PTPRD: variants seen among roughly 807,000 people sequenced by gnomAD.
PTPRD encodes the protein receptor-type tyrosine-protein phosphatase delta.
PTPRD carries 34 observed loss-of-function variants against 214.5 expected under a neutral mutation model. The observed-to-expected ratio is 0.16, with a 90% CI of 0.12 to 0.21. PTPRD has a LOEUF of 0.21. PTPRD is among the 10% of genes least tolerant of loss of function. The pLI is 1.00. For synonymous variants in PTPRD, 1,128 were observed against 845.7 expected, an observed-to-expected ratio of 1.33 and a Z score of -5.79; for missense variants, 2,545 against 2,398.7, an observed-to-expected ratio of 1.06 and a Z score of -1.27.
chr9:9,825,405 A>G (rs1196976746), intron 5 of PTPRD, among the ~76,000 whole-genome samples: 3 of 104,346 alleles, frequency 2.9e-5, no homozygotes, highest in Non-Finnish European at 5.7e-5. Context: ...ACAGAGAGAG[A>G]AAGAGAGAGA....
intron 31 of PTPRD, among the ~76,000 whole-genome samples, chr9:8,468,133 T>C (rs1314486075): frequency 6.6e-6 from 1 of 152,060 alleles, no homozygotes; most frequent in Non-Finnish European, 1.5e-5. Flanking sequence ...ATAAAATATT[T>C]GAGCTTTTGG....
chr9:8,989,006 G>A (rs577985030), intron 11 of PTPRD, among the ~76,000 whole-genome samples: 31 of 151,902 alleles, frequency 2.0e-4, no homozygotes, highest in Admixed American at 5.9e-4. Context: ...ATAATATTCC[G>A]ATGAATTTCA....
intron 9 of PTPRD, among the ~76,000 whole-genome samples, chr9:9,193,135 T>C (rs1445775449): frequency 6.6e-6 from 1 of 152,114 alleles, no homozygotes; most frequent in Non-Finnish European, 1.5e-5. Flanking sequence ...TAAAAATGAG[T>C]GACCAGCTTG....
chr9:8,938,308 G>A (rs1305403174), intron 11 of PTPRD, among the ~76,000 whole-genome samples: 1 of 151,964 alleles, frequency 6.6e-6, no homozygotes, highest in Non-Finnish European at 1.5e-5. Flanking sequence ...AGGGAGAAGA[G>A]AGAAGAGGAG....
intron 10 of PTPRD, among the ~76,000 whole-genome samples, chr9:9,134,372 G>A (rs947818231): frequency 6.6e-6 from 1 of 151,978 alleles, no homozygotes; most frequent in Non-Finnish European, 1.5e-5. Flanking sequence ...CGCGCCCGTA[G>A]AATCATTCTT....
intron 4 of PTPRD, among the ~76,000 whole-genome samples, chr9:9,949,426 C>G (rs1442867764): frequency 6.6e-6 from 1 of 152,020 alleles, no homozygotes; most frequent in Admixed American, 6.6e-5. Context: ...TTGATTTTTA[C>G]CAATAAGCAA....
chr9:8,781,035 TTACAAG>T (rs895936354), intron 11 of PTPRD, among the ~76,000 whole-genome samples: 12 of 152,202 alleles, frequency 7.9e-5, no homozygotes, highest in Non-Finnish European at 1.5e-4. Flanking sequence ...TTAACTGTAC[TTACAAG>T]TACAATTCAA....
chr9:8,794,501 C>A (rs964984751), intron 11 of PTPRD, among the ~76,000 whole-genome samples: 5 of 145,966 alleles, frequency 3.4e-5, no homozygotes, highest in African/African-American at 1.2e-4. Flanking sequence ...TTTATATTCA[C>A]AGAAGCCATT....
At chr9:8,944,094 A>T (rs1426814766) in intron 11 of PTPRD, among the ~76,000 whole-genome samples, 5 of 152,074 alleles carry the variant, frequency 3.3e-5, no homozygotes, top group African/African-American at 1.2e-4. Flanking sequence ...TGGGCAAAAG[A>T]TCTGAATAGG....
At chr9:8,649,663 T>C (rs1313418897) in intron 12 of PTPRD, among the ~76,000 whole-genome samples, 1 of 152,212 alleles carries the variant, frequency 6.6e-6, no homozygotes, top group African/African-American at 2.4e-5. Context: ...TTTTGATACA[T>C]AACAAAAATG....
chr9:8,858,536 T>G (rs535502548), intron 11 of PTPRD, among the ~76,000 whole-genome samples: 3 of 152,096 alleles, frequency 2.0e-5, no homozygotes, highest in Non-Finnish European at 4.4e-5. Context: ...GAAAGGCTTC[T>G]CTCTTTGTTT....
At chr9:9,969,022 C>T (rs2094910857) in intron 4 of PTPRD, among the ~76,000 whole-genome samples, 1 of 152,052 alleles carries the variant, frequency 6.6e-6, no homozygotes, top group African/African-American at 2.4e-5. Context: ...AGGAGAGAGT[C>T]CATAGTCAAA....
At chr9:9,584,161 A>T (rs1467395511) in intron 7 of PTPRD, among the ~76,000 whole-genome samples, 1 of 151,950 alleles carries the variant, frequency 6.6e-6, no homozygotes, top group East Asian at 1.9e-4. Flanking sequence ...CTAGCAAGCT[A>T]TGTAAAGCTT....
intron 4 of PTPRD, among the ~76,000 whole-genome samples, chr9:9,985,823 G>T (rs2095691213): frequency 1.3e-5 from 2 of 151,696 alleles, no homozygotes; most frequent in Non-Finnish European, 2.9e-5. Context: ...TATCATATTT[G>T]AAAGAACACT....
rs559117554 is a variant in PTPRD, at chr9:9,528,624, C to T, written c.-237+46108G>A. On this transcript the variant is annotated intron_variant, in intron 8 of 45. Transcript: ENST00000381196. The stretch of plus-strand genomic sequence containing the variant: ...ACAGAACAAAGGATAAAAAGAACCA[C>T]GAGAAAATAAAAATAAAGAAATCAC... Among the ~76,000 whole-genome samples, 13 of 151,536 alleles carry T rather than the reference C, an allele frequency of 8.6e-5. No homozygotes were observed. The East Asian group carries it at 1.2e-3, about 14-fold the overall frequency.
intron 5 of PTPRD, among the ~76,000 whole-genome samples, chr9:9,919,582 C>T (rs1321213018): frequency 6.6e-6 from 1 of 152,118 alleles, no homozygotes; most frequent in African/African-American, 2.4e-5. Flanking sequence ...CCCCTATCAG[C>T]ACAAATGAGA....
chr9:10,534,383 T>C (rs1262596013), intron 2 of PTPRD, among the ~76,000 whole-genome samples: 1 of 152,072 alleles, frequency 6.6e-6, no homozygotes, highest in Non-Finnish European at 1.5e-5. Flanking sequence ...CATGATAAAA[T>C]ATTTTATTTA....
chr9:8,676,173 G>A, intron 12 of PTPRD, among the ~76,000 whole-genome samples: 1 of 152,124 alleles, frequency 6.6e-6, no homozygotes, highest in Non-Finnish European at 1.5e-5. Context: ...GCATTTGTTT[G>A]CCTAGCTCAC....
At chr9:8,938,672 A>G (rs7028406) in intron 11 of PTPRD, among the ~76,000 whole-genome samples, 143,072 of 151,868 alleles carry the variant, frequency 0.94, 67,867 homozygotes, top group Non-Finnish European at 0.99. Context: ...TTTCTTAGGG[A>G]ACAAATTCTT....
Sources: gnomAD v4.1 joint callset for allele counts (sites outside exome capture counted in the v4.1 genomes callset) on GRCh38, gnomAD v4.1.1 for gene constraint, MANE v1.5 for transcripts, NCBI Gene and HGNC (gene_info 2026-07-23, HGNC 2026-07-21) for gene names.